CDH13: variants seen among roughly 807,000 people sequenced by gnomAD.
The protein encoded by CDH13 is cadherin-13.
Under a neutral mutation model 63.8 loss-of-function variants are expected in CDH13, and 24 were observed. The ratio of observed to expected loss-of-function variants is 0.38; its 90% CI spans 0.27 to 0.53. The LOEUF is 0.53. Ranked by LOEUF, CDH13 falls within the 20% of genes least tolerant of loss-of-function variation. CDH13 has a pLI of 0.85. For missense variants in CDH13, 1,049 were observed against 903.1 expected, an observed-to-expected ratio of 1.16 and a Z score of -2.07; for synonymous variants, 503 against 355.3, an observed-to-expected ratio of 1.42 and a Z score of -4.67.
At chr16:83,653,327 G>A (rs1368122050) in intron 8 of CDH13, among the ~76,000 whole-genome samples, 1 of 152,162 alleles carries the variant, frequency 6.6e-6, no homozygotes, top group Non-Finnish European at 1.5e-5. Flanking sequence ...CAATAAAACT[G>A]TTAGCAAAGA....
At chr16:83,061,618 C>G (rs189008934) in intron 3 of CDH13, among the ~76,000 whole-genome samples, 1 of 152,314 alleles carries the variant, frequency 6.6e-6, no homozygotes. Context: ...AAAATTGTCA[C>G]CAAATGACTG....
At chr16:83,615,351 C>T (rs1287969098) in intron 8 of CDH13, among the ~76,000 whole-genome samples, 1 of 152,108 alleles carries the variant, frequency 6.6e-6, no homozygotes, top group African/African-American at 2.4e-5. Context: ...GAAGATGGAA[C>T]ACATTTCAAT....
intron 1 of CDH13, among the ~76,000 whole-genome samples, chr16:82,776,129 G>A (rs768612122): frequency 3.3e-5 from 5 of 152,092 alleles, no homozygotes; most frequent in Non-Finnish European, 5.9e-5. Context: ...AGAATCGCTT[G>A]AACCCAGGAG....
At chr16:83,462,428 C>G (rs559653822) in intron 6 of CDH13, among the ~76,000 whole-genome samples, 1 of 152,194 alleles carries the variant, frequency 6.6e-6, no homozygotes, top group Non-Finnish European at 1.5e-5. Context: ...TCAGGGACAG[C>G]TTACTATTGC....
intron 1 of CDH13, among the ~76,000 whole-genome samples, chr16:82,702,873 C>T (rs1321690312): frequency 3.9e-5 from 6 of 152,126 alleles, no homozygotes; most frequent in Non-Finnish European, 7.3e-5. Context: ...TCTAGATCTT[C>T]CTGTGCATTT....
intron 11 of CDH13, among the ~76,000 whole-genome samples, chr16:83,766,231 A>G (rs1914377319): frequency 6.6e-6 from 1 of 152,194 alleles, no homozygotes; most frequent in African/African-American, 2.4e-5. Context: ...AAGGATTTGA[A>G]TTTAGACAGA....
At chr16:83,534,317 C>T (rs984002577) in intron 7 of CDH13, among the ~76,000 whole-genome samples, 9 of 152,226 alleles carry the variant, frequency 5.9e-5, no homozygotes, top group African/African-American at 2.2e-4. Context: ...CATTTTTCAG[C>T]TTTGTGATCT....
At chr16:83,092,660 T>G (rs2033975335) in intron 3 of CDH13, among the ~76,000 whole-genome samples, 1 of 152,230 alleles carries the variant, frequency 6.6e-6, no homozygotes, top group Non-Finnish European at 1.5e-5. Flanking sequence ...TCCCTCTTAT[T>G]GGCTGTACAA....
intron 5 of CDH13, among the ~76,000 whole-genome samples, chr16:83,228,318 G>A (rs1204096579): frequency 6.6e-6 from 1 of 152,222 alleles, no homozygotes; most frequent in East Asian, 1.9e-4. Flanking sequence ...GCCGTGCTCT[G>A]CAGGCTCCTT....
intron 8 of CDH13, among the ~76,000 whole-genome samples, chr16:83,623,120 A>G (rs567950061): frequency 2.0e-5 from 3 of 152,302 alleles, no homozygotes; most frequent in South Asian, 2.1e-4. Context: ...CAAGGTTAGC[A>G]CAATCCAGGA....
chr16:83,048,262 C>G (rs1917981249), intron 3 of CDH13, among the ~76,000 whole-genome samples: 1 of 152,144 alleles, frequency 6.6e-6, no homozygotes, highest in Non-Finnish European at 1.5e-5. Flanking sequence ...TTGAAAAGAA[C>G]TCAAGCATGT....
intron 1 of CDH13, among the ~76,000 whole-genome samples, chr16:82,805,383 C>T (rs1478465844): frequency 2.6e-5 from 4 of 152,288 alleles, no homozygotes; most frequent in Middle Eastern, 3.4e-3. Context: ...TGTCCAAATC[C>T]AGTCCTTGTC....
chr16:82,703,092 T>G (rs546968282), intron 1 of CDH13, among the ~76,000 whole-genome samples: 3 of 152,098 alleles, frequency 2.0e-5, no homozygotes, highest in Non-Finnish European at 4.4e-5. Context: ...TGCTTATACT[T>G]TTTTTTGTTT....
chr16:82,884,734 A>G (rs780568504), intron 2 of CDH13, among the ~76,000 whole-genome samples: 2 of 152,234 alleles, frequency 1.3e-5, no homozygotes, highest in Admixed American at 6.5e-5. Flanking sequence ...TTCTCAGCCA[A>G]CAAGACTTAG....
At chr16:83,673,264 C>T (rs763698919) in intron 9 of CDH13, among the ~76,000 whole-genome samples, 2 of 152,174 alleles carry the variant, frequency 1.3e-5, no homozygotes. Context: ...TACATACATT[C>T]GTTCATCGGA....
intron 5 of CDH13, among the ~76,000 whole-genome samples, chr16:83,227,564 C>T (rs1000089326): frequency 6.6e-6 from 1 of 152,222 alleles, no homozygotes; most frequent in Non-Finnish European, 1.5e-5. Flanking sequence ...TTACCCATCT[C>T]GATTCTGGCC....
chr16:82,975,806 C>A (rs553078316), intron 2 of CDH13, among the ~76,000 whole-genome samples: 33 of 152,222 alleles, frequency 2.2e-4, no homozygotes, highest in African/African-American at 7.9e-4. Flanking sequence ...AGATCTTCCC[C>A]TCCTTAACCA....
chr16:82,842,684 C>T (rs897024463), intron 1 of CDH13, among the ~76,000 whole-genome samples: 6 of 151,590 alleles, frequency 4.0e-5, no homozygotes, highest in East Asian at 1.9e-4. Flanking sequence ...GATTCAAGCA[C>T]ATTACATTTA....
At chr16:83,555,138 C>T (rs1027979034) in intron 7 of CDH13, among the ~76,000 whole-genome samples, 7 of 152,156 alleles carry the variant, frequency 4.6e-5, no homozygotes, top group Non-Finnish European at 8.8e-5. Flanking sequence ...CTTCATCAAC[C>T]AGACAGTTCA....
Sources: gnomAD v4.1 joint callset for allele counts (sites outside exome capture counted in the v4.1 genomes callset) on GRCh38, gnomAD v4.1.1 for gene constraint, MANE v1.5 for transcripts, NCBI Gene and HGNC (gene_info 2026-07-23, HGNC 2026-07-21) for gene names.